RAB27B: variants seen among roughly 807,000 people sequenced by gnomAD.
RAB27B encodes the protein ras-related protein Rab-27B.
In RAB27B, 15 loss-of-function variants were observed where a neutral mutation model predicts 24.6. The observed-to-expected ratio is 0.61, with a 90% confidence interval of 0.41 to 0.94. The LOEUF is 0.94. Among genes scored for constraint, RAB27B ranks in the 40% least tolerant of loss-of-function variants. The pLI is 0.00. For missense variants in RAB27B, 261 were observed against 266.8 expected, an observed-to-expected ratio of 0.98 and a Z score of 0.15; for synonymous variants, 105 against 92.5, an observed-to-expected ratio of 1.14 and a Z score of -0.78.
chr18:54,831,693 G>A (rs1391398745), intron 1 of RAB27B, among the ~76,000 whole-genome samples: 1 of 152,150 alleles, frequency 6.6e-6, no homozygotes, highest in African/African-American at 2.4e-5. Context: ...AAGAAAAAAT[G>A]TTAAAGGGTA....
intron 2 of RAB27B, among the ~76,000 whole-genome samples, chr18:54,738,924 A>T (rs1301820133): frequency 2.0e-5 from 3 of 152,100 alleles, no homozygotes; most frequent in African/African-American, 7.2e-5. Flanking sequence ...AGAGAATATT[A>T]TCACCCCCCA....
intron 1 of RAB27B, among the ~76,000 whole-genome samples, chr18:54,852,153 G>A (rs970920112): frequency 3.9e-5 from 6 of 152,130 alleles, no homozygotes; most frequent in Admixed American, 1.3e-4. Flanking sequence ...CAAAGGTTGC[G>A]AAGAAATAGT....
intron 3 of RAB27B, 54 bp downstream of exon 3, chr18:54,879,508 TA>T: frequency 7.2e-7 from 1 of 1,396,750 alleles, no homozygotes; most frequent in Non-Finnish European, 1.0e-6. Flanking sequence ...AAACTTACTT[TA>T]AAATGAATTC....
intron 2 of RAB27B, among the ~76,000 whole-genome samples, chr18:54,780,873 A>G (rs1468783283): frequency 6.6e-6 from 1 of 152,208 alleles, no homozygotes; most frequent in Non-Finnish European, 1.5e-5. Context: ...GGGAGGTTGG[A>G]TAATGCTGAG....
chr18:54,825,416 T>C (rs554281931), upstream of RAB27B, among the ~76,000 whole-genome samples: 2 of 152,334 alleles, frequency 1.3e-5, no homozygotes, highest in South Asian at 4.1e-4. Context: ...AGTGTTTTTA[T>C]CCTTTTCTGC....
chr18:54,829,916 C>T (rs1910610239), intron 1 of RAB27B, among the ~76,000 whole-genome samples: 1 of 151,960 alleles, frequency 6.6e-6, no homozygotes, highest in African/African-American at 2.4e-5. Context: ...TACCAATGAC[C>T]AAAAAGGGGT....
chr18:54,833,222 TTTTCTTTCTTTC>T (rs761572436), intron 1 of RAB27B, among the ~76,000 whole-genome samples: 1 of 104,378 alleles, frequency 9.6e-6, no homozygotes, highest in South Asian at 3.7e-4. Flanking sequence ...TCTTTTCTTT[TTTTCTTTCTTTC>T]TTTTTTTTTT....
chr18:54,790,294 A>C (rs1480428601), intron 2 of RAB27B, among the ~76,000 whole-genome samples: 2 of 152,176 alleles, frequency 1.3e-5, no homozygotes, highest in Non-Finnish European at 2.9e-5. Flanking sequence ...GAGGCTTAGC[A>C]GCAGTATTTA....
chr18:54,741,590 C>T (rs1318341216), intron 2 of RAB27B, among the ~76,000 whole-genome samples: 1 of 152,092 alleles, frequency 6.6e-6, no homozygotes, highest in Non-Finnish European at 1.5e-5. Flanking sequence ...GACTCTTGGG[C>T]TCAAGCCATC....
At chr18:54,846,237 A>C (rs1208366087) in intron 1 of RAB27B, among the ~76,000 whole-genome samples, 1 of 152,214 alleles carries the variant, frequency 6.6e-6, no homozygotes, top group Non-Finnish European at 1.5e-5. Flanking sequence ...AGTGTTAACA[A>C]ATCAACTATA....
rs1181958983 is a variant in RAB27B, at chr18:54,889,423, A to G, written c.*10A>G. The stretch of plus-strand genomic sequence containing the variant: ...GAAATGTATCTGCTAGACTCTACAT[A>G]GAAACTGAACATCAAGAACCCCACC... On this transcript the variant is annotated 3_prime_UTR_variant, in exon 6 of 6. Transcript: ENST00000262094. 1.9e-6 allele frequency: 3 copies of G among 1,596,078 alleles called. No homozygotes were observed. The highest frequency in any genetic ancestry group is 2.3e-5 in the South Asian group (2 of 87,240).
intron 1 of RAB27B, among the ~76,000 whole-genome samples, chr18:54,838,835 A>G (rs1385659643): frequency 6.6e-6 from 1 of 152,128 alleles, no homozygotes; most frequent in Non-Finnish European, 1.5e-5. Flanking sequence ...TATTCACTAA[A>G]CTAGTATCCA....
intron 2 of RAB27B, among the ~76,000 whole-genome samples, chr18:54,819,464 G>A (rs1347064593): frequency 6.9e-6 from 1 of 144,792 alleles, no homozygotes. Context: ...CCTGAGAGAC[G>A]GAGGTTGCAG....
At chr18:54,845,729 T>C (rs1039849887) in intron 1 of RAB27B, among the ~76,000 whole-genome samples, 1 of 152,176 alleles carries the variant, frequency 6.6e-6, no homozygotes, top group Non-Finnish European at 1.5e-5. Context: ...AGAACCCTCC[T>C]TTCTGTTAAC....
intron 1 of RAB27B, among the ~76,000 whole-genome samples, chr18:54,835,839 A>G (rs1029357804): frequency 6.6e-6 from 1 of 151,962 alleles, no homozygotes; most frequent in African/African-American, 2.4e-5. Context: ...ATCTCCCCAG[A>G]TCTCCTTTGC....
intron 2 of RAB27B, among the ~76,000 whole-genome samples, chr18:54,753,026 A>G (rs1057061561): frequency 6.6e-6 from 1 of 152,148 alleles, no homozygotes; most frequent in Non-Finnish European, 1.5e-5. Context: ...AGTGCTAGTG[A>G]CTGAGAATTT....
chr18:54,818,572 C>T (rs1910193202), intron 2 of RAB27B, among the ~76,000 whole-genome samples: 2 of 152,086 alleles, frequency 1.3e-5, no homozygotes, highest in Non-Finnish European at 2.9e-5. Context: ...GGCATTCAAC[C>T]ATGTGGTTAG....
In RAB27B at chr18:54,889,306, C is replaced by T. The variant is rs766267582; in HGVS notation, c.550C>T (p.Arg184Ter). 29 of 1,613,020 alleles carry T rather than the reference C, an allele frequency of 1.8e-5. No individual in the cohort carries two copies. Among genetic ancestry groups the T allele is most frequent in the Middle Eastern group, 1.6e-4 (1 of 6,082 alleles). ...AACCCTTTTGGACTTAATCATGAAG[C>T]GAATGGAACAGTGTGTGGAGAAGAC... The part of the protein sequence containing the change: ...VETLLDLIMK[R>*]MEQCVEKTQI... The change falls in exon 6 of 6, where the codon CGA becomes TGA. Residue 184 changes from arginine (R) to a stop codon, truncating the protein, a stop_gained. Transcript: ENST00000262094. LOFTEE classifies it high-confidence loss of function.
At chr18:54,773,053 CT>C (rs759160406) in intron 2 of RAB27B, among the ~76,000 whole-genome samples, 43 of 147,666 alleles carry the variant, frequency 2.9e-4, no homozygotes, top group Admixed American at 3.4e-4. Flanking sequence ...GCCTATACTT[CT>C]TTTTTTTTTT....
Sources: allele counts gnomAD v4.1 joint callset (sites outside exome capture counted in the v4.1 genomes callset), GRCh38; gene constraint gnomAD v4.1.1; transcripts MANE v1.5; gene names NCBI Gene and HGNC (gene_info 2026-07-23, HGNC 2026-07-21).